Variants in HMGXB3 observed in about 807,000 individuals in gnomAD.
HMGXB3 encodes HMG domain-containing protein 3.
In HMGXB3, 45 loss-of-function variants were observed where a neutral mutation model predicts 121.5. The observed-to-expected ratio is 0.37, with a 90% CI of 0.29 to 0.47. The LOEUF (loss-of-function observed/expected upper bound fraction) is 0.47. Among genes scored for constraint, HMGXB3 ranks in the 20% least tolerant of loss-of-function variants. The pLI, the probability that HMGXB3 is intolerant of heterozygous loss-of-function variation, is 0.99. For synonymous variants in HMGXB3, 590 were observed against 624.1 expected, an observed-to-expected ratio of 0.95 and a Z score of 0.81; for missense variants, 1,376 against 1,602.2, an observed-to-expected ratio of 0.86 and a Z score of 2.41.
intron 3 of HMGXB3, among the ~76,000 whole-genome samples, chr5:150,006,872 G>C (rs1755716065): frequency 6.6e-6 from 1 of 152,110 alleles, no homozygotes; most frequent in Non-Finnish European, 1.5e-5. Context: ...TGTGTTTTCT[G>C]CAGTGAGCCT....
chr5:150,052,083 C>T lies in HMGXB3; in HGVS notation c.3770C>T (p.Pro1257Leu), dbSNP rs552565646. ...CATGACATTGTACAGAGCTGCCAGC[C>T]TGGTGAGGTGGTCATTCGTGACACC... ...QIHDIVQSCQ[P>L]GEVVIRDTLY... The change falls in exon 20 of 20, where the codon CCT (proline) becomes CTT (leucine). Residue 1257 changes from proline (P) to leucine (L), a missense_variant. Transcript: ENST00000502717. The T allele has an allele frequency of 3.2e-6, 5 of 1,551,774 alleles. No homozygotes were observed. Among genetic ancestry groups the T allele is most frequent in the Non-Finnish European group, 4.4e-6 (5 of 1,147,050 alleles).
chr5:150,027,844 C>T (rs900514342), intron 9 of HMGXB3, among the ~76,000 whole-genome samples: 5 of 152,320 alleles, frequency 3.3e-5, no homozygotes, highest in South Asian at 4.1e-4. Context: ...TGAGCCACCA[C>T]GCCTGGCCTA....
intron 9 of HMGXB3, among the ~76,000 whole-genome samples, chr5:150,027,757 T>G (rs1279696079): frequency 6.6e-6 from 1 of 152,130 alleles, no homozygotes; most frequent in African/African-American, 2.4e-5. Flanking sequence ...TTCACCATGT[T>G]GGCCAGGCTG....
rs968497235 is a variant in HMGXB3 at position 150,010,304 on chromosome 5, C to G, written c.506C>G (p.Pro169Arg). ...KGPPLVSNTAPETVPSHAGMA... is the reference protein window; with the variant it reads ...KGPPLVSNTARETVPSHAGMA... ...CCTCCTCTTGTGTCCAACACTGCCCCGGAGACAGTGCCCAGCCATGCAGGC... is the reference window on the plus strand; with the variant it reads ...CCTCCTCTTGTGTCCAACACTGCCCGGGAGACAGTGCCCAGCCATGCAGGC... Residue 169 changes from proline to arginine, a missense_variant, in exon 4 of 20, where the codon CCG becomes CGG. By Grantham distance (103) the Pro-to-Arg change is moderately radical. Around this residue, in one of 2 missense-constraint regions of HMGXB3, gnomAD observed 1,116 missense variants for 1,369.0 expected, o/e 0.82. Coordinates refer to ENST00000502717, the MANE Select transcript of HMGXB3 (RefSeq NM_014983.3). The G allele has an allele frequency of 6.4e-7, 1 of 1,551,768 alleles. No individual in the cohort carries two copies.
chr5:150,012,000 T>C (rs1355448466), intron 4 of HMGXB3, among the ~76,000 whole-genome samples: 1 of 152,236 alleles, frequency 6.6e-6, no homozygotes, highest in African/African-American at 2.4e-5. Context: ...GCTTATGTGA[T>C]CTTAGAAGTC....
intron 2 of HMGXB3, 142 bp from the exon 3 acceptor site, chr5:150,006,331 C>G: frequency 1.8e-6 from 1 of 568,574 alleles, no homozygotes; most frequent in South Asian, 4.3e-5. Context: ...TTTTATCAAC[C>G]TCTTGACTAC....
At chr5:150,020,869 AG>A (rs1157292532) in intron 6 of HMGXB3, among the ~76,000 whole-genome samples, 3 of 151,712 alleles carry the variant, frequency 2.0e-5, no homozygotes, top group African/African-American at 7.3e-5. Flanking sequence ...CCTCCCGAGT[AG>A]CTGGGATTAC....
intron 13 of HMGXB3, among the ~76,000 whole-genome samples, chr5:150,039,481 TTTTAAG>T (rs1756575666): frequency 6.6e-6 from 1 of 152,170 alleles, no homozygotes; most frequent in South Asian, 2.1e-4. Flanking sequence ...ATTATAATTT[TTTTAAG>T]TTTATCAATT....
At chr5:150,029,759 C>T (rs1756328775) in intron 9 of HMGXB3, among the ~76,000 whole-genome samples, 1 of 152,200 alleles carries the variant, frequency 6.6e-6, no homozygotes, top group Admixed American at 6.5e-5. Flanking sequence ...CAGTTAACTT[C>T]CTTTCTTTAA....
Position 150,010,242 on chromosome 5 carries a change from G to T in HMGXB3, c.444G>T (p.Glu148Asp), listed in dbSNP as rs1329448546. The T allele has an allele frequency of 1.3e-6, 2 of 1,551,850 alleles. No individual in the cohort carries two copies. The highest frequency in any genetic ancestry group is 3.9e-5 in the Admixed American group (2 of 51,008). Residue 148 changes from glutamate (E) to aspartate (D), a missense_variant, in exon 4 of 20, where the codon GAG becomes GAT. Transcript: ENST00000502717. ...LQEDRSCPQL[E>D]LCVAQNQMSP... ...AGGACCGGAGCTGCCCTCAGCTAGA[G>T]CTATGTGTGGCTCAGAACCAGATGT... is the stretch of plus-strand genomic sequence containing the variant.
At position 150,052,492 on chromosome 5, in the gene HMGXB3, C is replaced by T. The variant is rs1277557962; in HGVS notation, c.*300C>T. 1.1e-5 allele frequency: 4 copies of T among 366,376 alleles called. No individual in the cohort carries two copies. Among genetic ancestry groups the T allele is most frequent in the South Asian group, 8.0e-5 (2 of 25,036 alleles). The allele number at this position is 366,376 out of a possible 1,614,324, so 22.7% of individuals were successfully genotyped here. A position where few individuals can be genotyped will look rare whatever the true frequency, so the allele number is the denominator to read the frequency against. On this transcript the variant is annotated 3_prime_UTR_variant, in exon 20 of 20. Coordinates refer to ENST00000502717, the MANE Select transcript of HMGXB3 (RefSeq NM_014983.3). ...GGAAAGGCTCGTAGCTGGTGGGTTC[C>T]GTGGGGCCTGCGGTGTGGGTCAGGG...
chr5:150,010,632 C>A, intron 4 of HMGXB3, 24 bp downstream of exon 4: 1 of 1,535,982 alleles, frequency 6.5e-7, no homozygotes, highest in Non-Finnish European at 8.8e-7. Context: ...GTACTGAAGT[C>A]TTTGGCTTTG....
chr5:150,025,219 C>T (rs1323679943), intron 7 of HMGXB3, among the ~76,000 whole-genome samples: 1 of 152,188 alleles, frequency 6.6e-6, no homozygotes, highest in Non-Finnish European at 1.5e-5. Context: ...AACATGCAAC[C>T]AAGTACCTTG....
intron 7 of HMGXB3, among the ~76,000 whole-genome samples, 166 bp downstream of exon 7, chr5:150,024,846 C>G (rs918828700): frequency 6.6e-6 from 1 of 152,190 alleles, no homozygotes; most frequent in African/African-American, 2.4e-5. Flanking sequence ...TGTCCCTTCC[C>G]CCGGACTCTG....
Position 150,052,445 on chromosome 5 carries a change from G to A in HMGXB3, c.*253G>A, listed in dbSNP as rs568778022. 6 of 484,944 alleles carry A rather than the reference G, an allele frequency of 1.2e-5. No homozygotes were observed. The highest frequency in any genetic ancestry group is 9.6e-5 in the African/African-American group (5 of 52,184). 30.0% of individuals were successfully genotyped at this position (484,944 alleles called of 1,614,324 possible). A position where few individuals can be genotyped will look rare whatever the true frequency, so the allele number is the denominator to read the frequency against. On this transcript the variant is annotated 3_prime_UTR_variant, in exon 20 of 20. Coordinates refer to ENST00000502717, the MANE Select transcript of HMGXB3 (RefSeq NM_014983.3). Reference sequence around the variant, plus strand: ...AGAGAGCACTTGGGGGACACGGTATGTTTAATGGAGGGGAGGCTGAGGGAA... The same window carrying A: ...AGAGAGCACTTGGGGGACACGGTATATTTAATGGAGGGGAGGCTGAGGGAA...
chr5:150,008,026 T>C (rs1037665824), intron 3 of HMGXB3, among the ~76,000 whole-genome samples: 3 of 151,168 alleles, frequency 2.0e-5, no homozygotes, highest in Admixed American at 2.0e-4. Context: ...CACTGCACTC[T>C]AGCCTGGGCA....
chr5:150,051,862 C>T lies in HMGXB3; in HGVS notation c.3549C>T (p.Asp1183=), dbSNP rs1368237941. The change falls in exon 20 of 20, where the codon GAC becomes GAT. Residue 1183 remains aspartate (D), a synonymous_variant. Coordinates refer to ENST00000502717, the MANE Select transcript of HMGXB3 (RefSeq NM_014983.3). ...VHAGLQPNPG[D]PSAGHHSLAL... is the part of the protein sequence containing the mutation. ...CAGGCCTACAGCCCAATCCTGGTGA[C>T]CCCAGTGCTGGGCACCACTCCTTGG... The T allele has an allele frequency of 6.4e-7, 1 of 1,551,096 alleles. No homozygotes were observed. The highest frequency in any genetic ancestry group is 1.4e-5 in the African/African-American group (1 of 73,190).
chr5:150,003,663 AG>A (rs1443622758), intron 1 of HMGXB3, among the ~76,000 whole-genome samples: 1 of 150,814 alleles, frequency 6.6e-6, no homozygotes, highest in African/African-American at 2.4e-5. Flanking sequence ...ACCTGACTTT[AG>A]GAATGAACCC....
intron 13 of HMGXB3, among the ~76,000 whole-genome samples, chr5:150,037,888 TTATAGGATG>T (rs1173613258): frequency 2.0e-5 from 3 of 152,182 alleles, no homozygotes; most frequent in Non-Finnish European, 2.9e-5. Flanking sequence ...ATATAAGAAA[TTATAGGATG>T]TATAGGTTTA....
Sources: allele counts gnomAD v4.1 joint callset (sites outside exome capture counted in the v4.1 genomes callset), GRCh38; gene constraint gnomAD v4.1.1; regional missense constraint gnomAD v4.1.1; transcripts MANE v1.5; gene names NCBI Gene and HGNC (gene_info 2026-07-23, HGNC 2026-07-21).